B3GALT1: variants seen among roughly 807,000 people sequenced by gnomAD.
B3GALT1 encodes beta-1,3-galactosyltransferase 1, also known as UDP-Gal:betaGlcNAc beta 1,3-galactosyltransferase, polypeptide 1.
In B3GALT1, 10 loss-of-function variants were observed where a neutral mutation model predicts 23.2. That is an observed-to-expected ratio of 0.43 (90% CI 0.27 to 0.73). The LOEUF is 0.73. Among genes scored for constraint, B3GALT1 ranks in the 30% least tolerant of loss-of-function variants. The pLI, the probability that B3GALT1 is intolerant of heterozygous loss-of-function variation, is 0.21. For missense variants in B3GALT1, 299 were observed against 405.4 expected (o/e 0.74, Z 2.25); for synonymous variants, 156 against 141.5 (o/e 1.10, Z -0.73).
chr2:167,351,948 GTTTTTGATTT>G (rs769483483), intron 1 of B3GALT1, among the ~76,000 whole-genome samples: 1 of 91,710 alleles, frequency 1.1e-5, no homozygotes, highest in Non-Finnish European at 2.5e-5. Context: ...GGAGAAGGCT[GTTTTTGATTT>G]TTTTTTTTTT....
Position 167,428,623 on chromosome 2 carries a change from A to T in B3GALT1, c.-510-61554A>T, listed in dbSNP as rs187974079. Among the ~76,000 whole-genome samples the T allele has an allele frequency of 4.5e-3, 690 of 152,078 alleles. 6 individuals are homozygous for T. Among genetic ancestry groups the T allele is most frequent in the African/African-American group, 0.015 (642 of 41,454 alleles). ...AACCTGGGAGGAGGAGGTTGCAGTGAGCTGAGATCGCCCCACTACACTCTA... is the reference window on the plus strand; with the variant it reads ...AACCTGGGAGGAGGAGGTTGCAGTGTGCTGAGATCGCCCCACTACACTCTA... On this transcript the variant is annotated intron_variant, in intron 1 of 4. Transcript: ENST00000392690.
At chr2:167,847,368 T>C (rs1272728608) in intron 4 of B3GALT1, among the ~76,000 whole-genome samples, 2 of 152,086 alleles carry the variant, frequency 1.3e-5, no homozygotes, top group African/African-American at 4.8e-5. Flanking sequence ...CTTAAGAAAG[T>C]TGAAATTATA....
intron 4 of B3GALT1, among the ~76,000 whole-genome samples, chr2:167,844,790 C>T (rs1323639586): frequency 6.6e-6 from 1 of 152,220 alleles, no homozygotes; most frequent in African/African-American, 2.4e-5. Flanking sequence ...GCAGACTCCA[C>T]AGGCAGGAAA....
At chr2:167,321,208 A>C (rs1017159430) in intron 1 of B3GALT1, among the ~76,000 whole-genome samples, 1 of 152,078 alleles carries the variant, frequency 6.6e-6, no homozygotes, top group Admixed American at 6.5e-5. Flanking sequence ...GAAAAAACCT[A>C]AGAAAGGGTA....
intron 3 of B3GALT1, among the ~76,000 whole-genome samples, chr2:167,649,677 G>A (rs901723142): frequency 6.6e-6 from 1 of 151,900 alleles, no homozygotes; most frequent in African/African-American, 2.4e-5. Context: ...ATATGGATAC[G>A]CTACACTAGC....
At chr2:167,608,163 CT>C (rs762188719) in intron 2 of B3GALT1, among the ~76,000 whole-genome samples, 24 of 152,204 alleles carry the variant, frequency 1.6e-4, no homozygotes, top group Non-Finnish European at 2.9e-4. Flanking sequence ...ATTATGATTA[CT>C]TGGTACCTGA....
chr2:167,417,561 G>C (rs1299641883), intron 1 of B3GALT1, among the ~76,000 whole-genome samples: 1 of 152,214 alleles, frequency 6.6e-6, no homozygotes, highest in Admixed American at 6.5e-5. Context: ...CCAGACTTAT[G>C]TTAGTCAATT....
intron 1 of B3GALT1, among the ~76,000 whole-genome samples, chr2:167,400,745 T>G (rs960928101): frequency 6.6e-6 from 1 of 152,146 alleles, no homozygotes; most frequent in Non-Finnish European, 1.5e-5. Context: ...TGTGACAATT[T>G]GGCCATCTTG....
intron 3 of B3GALT1, among the ~76,000 whole-genome samples, chr2:167,730,933 T>C (rs116341534): frequency 0.015 from 2,260 of 152,298 alleles, 60 homozygotes; most frequent in African/African-American, 0.051. Context: ...ACTATCTCAG[T>C]TAATTCAAAG....
At chr2:167,666,088 G>A (rs564336165) in intron 3 of B3GALT1, among the ~76,000 whole-genome samples, 2 of 148,588 alleles carry the variant, frequency 1.3e-5, no homozygotes, top group South Asian at 2.1e-4. Context: ...TGGGCATTTA[G>A]TGCTGTAAAT....
At chr2:167,589,136 G>A (rs771498205) in intron 2 of B3GALT1, among the ~76,000 whole-genome samples, 7 of 152,036 alleles carry the variant, frequency 4.6e-5, no homozygotes, top group Non-Finnish European at 7.4e-5. Flanking sequence ...TGTAGAGATA[G>A]GGTCTCCTTA....
chr2:167,501,616 TTGTAA>T (rs781478998), intron 2 of B3GALT1, among the ~76,000 whole-genome samples: 75 of 151,674 alleles, frequency 4.9e-4, no homozygotes, highest in Non-Finnish European at 5.6e-4. Flanking sequence ...AGACTTCTAG[TTGTAA>T]TGTAAATATA....
intron 2 of B3GALT1, among the ~76,000 whole-genome samples, chr2:167,633,605 G>A (rs1230099762): frequency 2.0e-5 from 3 of 151,992 alleles, no homozygotes; most frequent in Non-Finnish European, 2.9e-5. Flanking sequence ...TTACATAATG[G>A]TAAAGGGATC....
intron 3 of B3GALT1, among the ~76,000 whole-genome samples, chr2:167,670,838 A>G (rs187290948): frequency 3.3e-5 from 5 of 152,300 alleles, no homozygotes; most frequent in Admixed American, 1.3e-4. Flanking sequence ...ACAAGTCACT[A>G]TTCAATCAGA....
intron 2 of B3GALT1, among the ~76,000 whole-genome samples, chr2:167,589,670 C>G (rs539481250): frequency 6.6e-6 from 1 of 152,016 alleles, no homozygotes; most frequent in Non-Finnish European, 1.5e-5. Flanking sequence ...TTTATGCTGA[C>G]ACTAGTACTA....
intron 3 of B3GALT1, among the ~76,000 whole-genome samples, chr2:167,676,571 A>G (rs1233867649): frequency 6.6e-6 from 1 of 151,140 alleles, no homozygotes; most frequent in Non-Finnish European, 1.5e-5. Flanking sequence ...ATGTGTATGC[A>G]TTTCTTTTGA....
intron 3 of B3GALT1, among the ~76,000 whole-genome samples, chr2:167,756,559 T>C (rs942204344): frequency 6.6e-6 from 1 of 152,210 alleles, no homozygotes; most frequent in Non-Finnish European, 1.5e-5. Flanking sequence ...CTCGGCAGGC[T>C]AGAACAGCAG....
At chr2:167,433,288 G>A (rs1285418496) in intron 1 of B3GALT1, among the ~76,000 whole-genome samples, 1 of 152,106 alleles carries the variant, frequency 6.6e-6, no homozygotes, top group East Asian at 1.9e-4. Context: ...TTAGCACTGA[G>A]TGATAATTCC....
At chr2:167,559,850 G>T (rs1683936172) in intron 2 of B3GALT1, among the ~76,000 whole-genome samples, 1 of 152,150 alleles carries the variant, frequency 6.6e-6, no homozygotes, top group Non-Finnish European at 1.5e-5. Flanking sequence ...CAAAGTGACG[G>T]GGAGAATGGA....
Sources: allele counts gnomAD v4.1 joint callset (sites outside exome capture counted in the v4.1 genomes callset), GRCh38; gene constraint gnomAD v4.1.1; transcripts MANE v1.5; gene names NCBI Gene and HGNC (gene_info 2026-07-23, HGNC 2026-07-21).